The following ERI1 variants were observed in gnomAD, a reference collection of about 807,000 sequenced individuals.
The protein encoded by ERI1 is exoribonuclease 1.
Under a neutral mutation model 39.7 loss-of-function variants are expected in ERI1, and 39 were observed. The ratio of observed to expected loss-of-function variants is 0.98; its 90% CI spans 0.76 to 1.28. The LOEUF (loss-of-function observed/expected upper bound fraction) is 1.28, where lower values mean the gene tolerates loss of function less well. Ranked by LOEUF, ERI1 falls within the 50% of genes most tolerant of loss-of-function variation. The probability of loss-of-function intolerance (pLI) is 0.00; values close to 1 mark genes in which losing one functional copy is unlikely to be tolerated. For synonymous variants in ERI1, 204 were observed against 149.6 expected, an observed-to-expected ratio of 1.36 and a Z score of -2.65; for missense variants, 581 against 416.9, an observed-to-expected ratio of 1.39 and a Z score of -3.43.
At chr8:9,036,406 C>G (rs1027930468), downstream of ERI1, among the ~76,000 whole-genome samples, 1 of 152,196 alleles carries the variant, frequency 6.6e-6, no homozygotes, top group African/African-American at 2.4e-5. Context: ...AGGCAAGATC[C>G]TACACCAGCA....
At chr8:9,014,827 C>CTTTTG (rs111623382) in intron 3 of ERI1, among the ~76,000 whole-genome samples, 3 of 151,842 alleles carry the variant, frequency 2.0e-5, no homozygotes, top group Admixed American at 6.6e-5. Flanking sequence ...TTCAATTATT[C>CTTTTG]TTTTGTTTTG....
In ERI1 at chr8:9,002,988, G is replaced by C. The variant is rs953984780; in HGVS notation, c.-76G>C. The C allele has an allele frequency of 4.4e-5, 45 of 1,034,300 alleles. No homozygotes were observed. In the African/African-American group the frequency reaches 6.8e-4, roughly 16 times the overall value. 64.1% of individuals were successfully genotyped at this position (1,034,300 alleles called of 1,614,324 possible). On this transcript the variant is annotated 5_prime_UTR_variant, in exon 1 of 7. Transcript: ENST00000250263. ...CGGTAATTTTTCAACGGAGAAAGGC[G>C]AGGCTTTCGGGCTCTGCAGAGTGAG...
At chr8:9,098,883 G>A (rs1799962399) in intron 3 of ERI1, among the ~76,000 whole-genome samples, 1 of 152,190 alleles carries the variant, frequency 6.6e-6, no homozygotes, top group African/African-American at 2.4e-5. Flanking sequence ...ACTCAGACTG[G>A]AGTGCAGTGG....
At chr8:9,068,352 T>C (rs983854559) in intron 3 of ERI1, among the ~76,000 whole-genome samples, 1 of 152,198 alleles carries the variant, frequency 6.6e-6, no homozygotes, top group Non-Finnish European at 1.5e-5. Context: ...TCTCTCCTTT[T>C]TGGAGACAGA....
rs1418151182 is a variant in ERI1 at position 9,029,876 on chromosome 8, G to A, written c.892G>A (p.Asp298Asn). 6.2e-7 allele frequency: 1 copy of A among 1,614,154 alleles called. No individual in the cohort carries two copies. The highest frequency in any genetic ancestry group is 1.1e-5 in the South Asian group (1 of 91,086). Residue 298 changes from aspartate (D) to asparagine (N), a missense_variant, in exon 7 of 7, where the codon GAC (aspartate) becomes AAC (asparagine). Physicochemically the swap from Asp to Asn is conservative, Grantham distance 23. Coordinates refer to ENST00000250263, the MANE Select transcript of ERI1 (RefSeq NM_153332.4). ...TGGGCGGCCTCACTGTGGTCTTGATGACTCTAAGAATATCGCCCGAATAGC... is the reference window on the plus strand; with the variant it reads ...TGGGCGGCCTCACTGTGGTCTTGATAACTCTAAGAATATCGCCCGAATAGC... The part of the protein sequence containing the change: ...YDGRPHCGLD[D>N]SKNIARIAVR...
At chr8:9,009,224 T>A (rs557893520) in intron 2 of ERI1, 1 of 352,100 alleles carries the variant, frequency 2.8e-6, no homozygotes, top group Non-Finnish European at 5.6e-6. Flanking sequence ...AATACAGATA[T>A]GTTCCCCACT....
At chr8:9,099,590 C>CT (rs1171549043) in intron 3 of ERI1, among the ~76,000 whole-genome samples, 1 of 145,738 alleles carries the variant, frequency 6.9e-6, no homozygotes, top group Non-Finnish European at 1.5e-5. Flanking sequence ...GCGGGACACT[C>CT]TCTCTCTCAA....
At chr8:9,035,995 A>C (rs940458426), downstream of ERI1, among the ~76,000 whole-genome samples, 1 of 152,210 alleles carries the variant, frequency 6.6e-6, no homozygotes, top group Non-Finnish European at 1.5e-5. Flanking sequence ...TGGAAATACC[A>C]AGAGAACTAG....
At chr8:9,097,682 AAAGAGTAATTTATCATTTAGTAGGCAGTT>A (rs1799920154) in intron 3 of ERI1, among the ~76,000 whole-genome samples, 1 of 152,072 alleles carries the variant, frequency 6.6e-6, no homozygotes, top group South Asian at 2.1e-4. Flanking sequence ...AAAAAAAAAA[AAAGAGTAATTTATCATTTAGTAGGCAGTT>A]AAGAGACTTT....
intron 3 of ERI1, among the ~76,000 whole-genome samples, chr8:9,073,979 T>A (rs986559667): frequency 1.3e-5 from 2 of 152,194 alleles, no homozygotes; most frequent in African/African-American, 4.8e-5. Flanking sequence ...ACAGAGGAGG[T>A]CTTGCTATGT....
intron 1 of ERI1, among the ~76,000 whole-genome samples, chr8:9,004,534 C>T (rs934228760): frequency 5.6e-5 from 8 of 143,796 alleles, no homozygotes; most frequent in African/African-American, 1.1e-4. Flanking sequence ...TCGTAGTTGC[C>T]CTCTCCCGTA....
chr8:9,066,796 C>T (rs1371490097), intron 3 of ERI1, among the ~76,000 whole-genome samples: 1 of 152,030 alleles, frequency 6.6e-6, no homozygotes, highest in Non-Finnish European at 1.5e-5. Flanking sequence ...AGGGAAACAG[C>T]TGGCTGGTTT....
intron 3 of ERI1, among the ~76,000 whole-genome samples, chr8:9,045,192 C>T (rs4460376): frequency 0.01 from 1,489 of 144,604 alleles, 9 homozygotes; most frequent in Non-Finnish European, 0.015. Context: ...GCAGAGATCG[C>T]GCCACTGCAC....
chr8:9,098,583 G>A (rs1457343946), intron 3 of ERI1, among the ~76,000 whole-genome samples: 1 of 152,086 alleles, frequency 6.6e-6, no homozygotes, highest in Non-Finnish European at 1.5e-5. Context: ...TGGTTGGGAG[G>A]GAGGTGAGGG....
At chr8:9,012,971 A>G (rs556342917) in intron 3 of ERI1, among the ~76,000 whole-genome samples, 6 of 152,130 alleles carry the variant, frequency 3.9e-5, no homozygotes, top group Non-Finnish European at 5.9e-5. Flanking sequence ...TCACTCATCA[A>G]CATCATCTTT....
At chr8:9,006,470 C>A (rs376521172) in intron 1 of ERI1, among the ~76,000 whole-genome samples, 1 of 152,168 alleles carries the variant, frequency 6.6e-6, no homozygotes, top group Non-Finnish European at 1.5e-5. Flanking sequence ...TTAACTGAGA[C>A]ATCTGTTTTG....
rs1034581431 is a variant in ERI1 at position 9,018,226 on chromosome 8, G to T, written c.583-71G>T. The T allele has an allele frequency of 1.3e-5, 10 of 785,830 alleles. No individual in the cohort carries two copies. In the African/African-American group the frequency reaches 1.4e-4, roughly 11 times the overall value. 48.7% of individuals were successfully genotyped at this position (785,830 alleles called of 1,614,324 possible). A position where few individuals can be genotyped will look rare whatever the true frequency, so the allele number is the denominator to read the frequency against. On this transcript the variant is annotated intron_variant, in intron 4 of 6. Coordinates refer to ENST00000250263, the MANE Select transcript of ERI1 (RefSeq NM_153332.4). ...TACTGTTTCTTCCCCTCCAACTTAG[G>T]TCTGGGTATTTTGTAGGTCTACGTG...
At chr8:9,038,066 T>A (rs768455097), downstream of ERI1, among the ~76,000 whole-genome samples, 8 of 152,186 alleles carry the variant, frequency 5.3e-5, no homozygotes, top group Non-Finnish European at 1.0e-4. Context: ...TTAAAGCTAT[T>A]CCTAAGTTCA....
chr8:9,034,345 AC>A (rs1797771360), downstream of ERI1, among the ~76,000 whole-genome samples: 1 of 152,252 alleles, frequency 6.6e-6, no homozygotes, highest in African/African-American at 2.4e-5. Flanking sequence ...CTTCGCAGAT[AC>A]TATTTTGTTT....
Sources: allele counts gnomAD v4.1 joint callset (sites outside exome capture counted in the v4.1 genomes callset), GRCh38; gene constraint gnomAD v4.1.1; transcripts MANE v1.5; gene names NCBI Gene and HGNC (gene_info 2026-07-23, HGNC 2026-07-21).